TAFA2: variants seen among roughly 807,000 people sequenced by gnomAD.
The protein encoded by TAFA2 is TAFA chemokine like family member 2.
In TAFA2, 7 loss-of-function variants were observed where a neutral mutation model predicts 18.8. That is an observed-to-expected ratio of 0.37 (90% confidence interval 0.21 to 0.70). The LOEUF is 0.70. TAFA2 is among the 30% of genes least tolerant of loss of function. The pLI is 0.53. For synonymous variants in TAFA2, 60 were observed against 54.2 expected, an observed-to-expected ratio of 1.11 and a Z score of -0.47; for missense variants, 122 against 158.1, an observed-to-expected ratio of 0.77 and a Z score of 1.23.
chr12:61,732,094 C>T (rs1035573221), intron 4 of TAFA2, among the ~76,000 whole-genome samples: 2 of 151,878 alleles, frequency 1.3e-5, no homozygotes, highest in Non-Finnish European at 2.9e-5. Context: ...CAGGGATGTA[C>T]AATTTTAATT....
chr12:61,977,476 G>A (rs528973872), intron 1 of TAFA2, among the ~76,000 whole-genome samples: 2 of 152,148 alleles, frequency 1.3e-5, no homozygotes, highest in African/African-American at 4.8e-5. Context: ...TGCCAAGTGT[G>A]CACTGAATGT....
intron 1 of TAFA2, among the ~76,000 whole-genome samples, chr12:62,112,894 A>C (rs1869795640): frequency 6.6e-6 from 1 of 151,984 alleles, no homozygotes; most frequent in Non-Finnish European, 1.5e-5. Context: ...ACCTTTTATC[A>C]GGGTTCTTAG....
At chr12:61,800,996 T>G (rs892640911) in intron 2 of TAFA2, among the ~76,000 whole-genome samples, 1 of 152,114 alleles carries the variant, frequency 6.6e-6, no homozygotes, top group African/African-American at 2.4e-5. Flanking sequence ...TACATGTCAG[T>G]TGTAAAGAAT....
At position 61,708,456 on chromosome 12, in the gene TAFA2, C is replaced by T. The variant is rs1043820704; in HGVS notation, c.*1950G>A. On this transcript the variant is annotated 3_prime_UTR_variant, in exon 5 of 5. Coordinates refer to ENST00000416284, the MANE Select transcript of TAFA2 (RefSeq NM_178539.5). The stretch of plus-strand genomic sequence containing the variant: ...AGAACATAGTTTAAAAAATGAGAAG[C>T]ATGATGTATAATTTCAAATCTCAAA... 1.3e-5 allele frequency: 2 copies of T among 151,952 alleles called. No individual in the cohort carries two copies. The highest frequency in any genetic ancestry group is 4.8e-5 in the African/African-American group (2 of 41,384). 9.4% of individuals were successfully genotyped at this position (151,952 alleles called of 1,614,324 possible). A position where few individuals can be genotyped will look rare whatever the true frequency, so the allele number is the denominator to read the frequency against.
At chr12:62,046,221 T>C (rs2136766981) in intron 1 of TAFA2, among the ~76,000 whole-genome samples, 1 of 152,272 alleles carries the variant, frequency 6.6e-6, no homozygotes, top group Non-Finnish European at 1.5e-5. Context: ...CTCCCGTGTT[T>C]GGTGTGTATC....
At chr12:61,788,660 A>G (rs1342734693) in intron 2 of TAFA2, among the ~76,000 whole-genome samples, 1 of 151,676 alleles carries the variant, frequency 6.6e-6, no homozygotes, top group East Asian at 1.9e-4. Context: ...AATCTCTATC[A>G]AGACTAAGAA....
intron 2 of TAFA2, among the ~76,000 whole-genome samples, chr12:61,809,061 C>T (rs1392618148): frequency 6.6e-6 from 1 of 151,454 alleles, no homozygotes; most frequent in Non-Finnish European, 1.5e-5. Context: ...AGATGACACC[C>T]AAGTTTGAAG....
At chr12:61,882,420 A>G (rs1875188046) in intron 1 of TAFA2, among the ~76,000 whole-genome samples, 1 of 152,204 alleles carries the variant, frequency 6.6e-6, no homozygotes, top group African/African-American at 2.4e-5. Flanking sequence ...TGGGGGGAAA[A>G]TAGAGTACAA....
At chr12:62,117,796 G>A (rs1870024080) in intron 1 of TAFA2, among the ~76,000 whole-genome samples, 1 of 151,946 alleles carries the variant, frequency 6.6e-6, no homozygotes, top group Non-Finnish European at 1.5e-5. Flanking sequence ...CAACAAAATA[G>A]AGCCTGCCAT....
At chr12:61,713,997 T>A (rs1009705843) in intron 4 of TAFA2, among the ~76,000 whole-genome samples, 6 of 152,234 alleles carry the variant, frequency 3.9e-5, no homozygotes, top group African/African-American at 1.4e-4. Context: ...ACTGTATTTT[T>A]TGGAAGAGGC....
chr12:62,163,356 GTTT>G (rs1330425341), intron 1 of TAFA2, among the ~76,000 whole-genome samples: 3 of 146,428 alleles, frequency 2.0e-5, no homozygotes, highest in African/African-American at 8.3e-5. Context: ...CTGGGTTTTT[GTTT>G]TTGTTTTTGT....
intron 1 of TAFA2, among the ~76,000 whole-genome samples, chr12:62,038,278 T>C (rs1484817323): frequency 1.3e-5 from 2 of 152,196 alleles, no homozygotes; most frequent in Non-Finnish European, 2.9e-5. Flanking sequence ...GTGGAATATG[T>C]CAATTTTCTT....
intron 1 of TAFA2, among the ~76,000 whole-genome samples, chr12:62,019,529 A>C (rs1319490120): frequency 6.6e-6 from 1 of 152,170 alleles, no homozygotes; most frequent in African/African-American, 2.4e-5. Context: ...AGGGACATAG[A>C]TGAAGCTGGA....
At chr12:62,237,830 G>A (rs571865884) in intron 1 of TAFA2, among the ~76,000 whole-genome samples, 1 of 152,208 alleles carries the variant, frequency 6.6e-6, no homozygotes, top group African/African-American at 2.4e-5. Context: ...AGGGGTTACA[G>A]GGTCCCAAAG....
At chr12:62,001,313 G>A (rs972881934) in intron 1 of TAFA2, among the ~76,000 whole-genome samples, 4 of 152,126 alleles carry the variant, frequency 2.6e-5, no homozygotes, top group African/African-American at 9.7e-5. Context: ...GCAGCAGGGA[G>A]TGGTTTTGGA....
intron 2 of TAFA2, among the ~76,000 whole-genome samples, chr12:61,771,754 C>T (rs1297144995): frequency 6.6e-6 from 1 of 151,578 alleles, no homozygotes; most frequent in Non-Finnish European, 1.5e-5. Context: ...AAGTTTGTAG[C>T]ATTGAATGCC....
At chr12:61,916,885 C>T (rs1043769065) in intron 1 of TAFA2, among the ~76,000 whole-genome samples, 3 of 152,134 alleles carry the variant, frequency 2.0e-5, no homozygotes, top group African/African-American at 7.2e-5. Flanking sequence ...TTTTATGCTT[C>T]CTTATCCAAA....
intron 1 of TAFA2, among the ~76,000 whole-genome samples, chr12:61,962,123 C>A (rs765115882): frequency 2.6e-5 from 4 of 151,952 alleles, no homozygotes; most frequent in Non-Finnish European, 5.9e-5. Context: ...ATTCATTGTT[C>A]ATTGTCAAAG....
At chr12:62,042,108 A>T (rs1012081842) in intron 1 of TAFA2, among the ~76,000 whole-genome samples, 17 of 152,178 alleles carry the variant, frequency 1.1e-4, no homozygotes, top group African/African-American at 3.9e-4. Flanking sequence ...GGCCGCCTCC[A>T]TTGTGGCAAC....
Sources: gnomAD v4.1 joint callset for allele counts (sites outside exome capture counted in the v4.1 genomes callset) on GRCh38, gnomAD v4.1.1 for gene constraint, MANE v1.5 for transcripts, NCBI Gene and HGNC (gene_info 2026-07-23, HGNC 2026-07-21) for gene names.